Variants in TM4SF19 observed in about 807,000 individuals in gnomAD.
The protein encoded by TM4SF19 is transmembrane 4 L six family member 19, also known as transmembrane 4 L6 family member 19.
A neutral mutation model predicts 21.8 loss-of-function variants in TM4SF19; 17 were observed. The ratio of observed to expected loss-of-function variants is 0.78; its 90% CI spans 0.53 to 1.17. TM4SF19 has a LOEUF of 1.17. Ranked by LOEUF, TM4SF19 falls within the 50% of genes most tolerant of loss-of-function variation. TM4SF19 has a pLI of 0.00. For synonymous variants in TM4SF19, 107 were observed against 106.7 expected (o/e 1.00, Z -0.02); for missense variants, 216 against 252.1 (o/e 0.86, Z 0.97).
At chr3:196,328,015 T>C (rs920157439) in intron 1 of TM4SF19, among the ~76,000 whole-genome samples, 2 of 152,152 alleles carry the variant, frequency 1.3e-5, no homozygotes, top group African/African-American at 4.8e-5. Flanking sequence ...AGAAGTAATA[T>C]TGTCGGCCAG....
chr3:196,324,090 G>A (rs374374555), intron 4 of TM4SF19, 93 bp from the exon 5 acceptor site: 35 of 1,495,362 alleles, frequency 2.3e-5, no homozygotes, highest in South Asian at 1.4e-4. Context: ...TCCCCTGACC[G>A]GGTCATGGGA....
At chr3:196,324,155 A>G in intron 4 of TM4SF19, 116 bp downstream of exon 4, 1 of 1,454,842 alleles carries the variant, frequency 6.9e-7, no homozygotes, top group South Asian at 1.2e-5. Flanking sequence ...TGAGTATCAG[A>G]GGAGCAAGAT....
intron 1 of TM4SF19, among the ~76,000 whole-genome samples, chr3:196,336,542 C>T (rs1727769575): frequency 6.6e-6 from 1 of 152,230 alleles, no homozygotes; most frequent in African/African-American, 2.4e-5. Flanking sequence ...TGGCTGTCCG[C>T]CAATCAAACA....
rs1348452618 is a variant in TM4SF19 at position 196,325,465 on chromosome 3, G to C, written c.280-1025C>G. The C allele has an allele frequency of 1.3e-5, 2 of 152,224 alleles. No homozygotes were observed. Among genetic ancestry groups the C allele is most frequent in the African/African-American group, 4.8e-5 (2 of 41,438 alleles). The allele number at this position is 152,224 out of a possible 1,614,324, so 9.4% of individuals were successfully genotyped here. Reference sequence around the variant, plus strand: ...TCCACCTGCTTCAGCCTCCCAAAGTGCTGGGATTACAGGCATGAGCCACCG... The same window carrying C: ...TCCACCTGCTTCAGCCTCCCAAAGTCCTGGGATTACAGGCATGAGCCACCG... On this transcript the variant is annotated intron_variant, in intron 3 of 4. Coordinates refer to ENST00000273695, the MANE Select transcript of TM4SF19 (RefSeq NM_138461.4). This position sits in a 1 kb window ranked among gnomAD's most constrained non-coding sequence, Gnocchi z 4.3.
chr3:196,337,155 G>A (rs1383943985), intron 1 of TM4SF19, among the ~76,000 whole-genome samples: 2 of 147,774 alleles, frequency 1.4e-5, no homozygotes, highest in Non-Finnish European at 3.0e-5. Context: ...TCCGCCTCTC[G>A]GGTTCAAGTT....
intron 1 of TM4SF19, among the ~76,000 whole-genome samples, chr3:196,332,599 ATATG>A (rs1438391170): frequency 1.3e-5 from 2 of 151,794 alleles, no homozygotes; most frequent in Non-Finnish European, 2.9e-5. Context: ...ATGTGCGTAT[ATATG>A]TGTGTACGTA....
chr3:196,331,202 G>A (rs1398413354), intron 1 of TM4SF19, among the ~76,000 whole-genome samples: 2 of 151,892 alleles, frequency 1.3e-5, no homozygotes, highest in African/African-American at 4.8e-5. Context: ...CTTGAGCCCA[G>A]GAGGCAGAAG....
In TM4SF19 at chr3:196,323,927, C is replaced by A. The variant is rs74793211; in HGVS notation, c.520G>T (p.Val174Leu). 1 of 1,614,068 alleles carries A rather than the reference C, an allele frequency of 6.2e-7. No individual in the cohort carries two copies. Among genetic ancestry groups the A allele is most frequent in the Non-Finnish European group, 8.5e-7 (1 of 1,180,014 alleles). The change falls in exon 5 of 5, where the codon GTG (valine) becomes TTG (leucine). Residue 174 changes from valine (V) to leucine (L), a missense_variant. By Grantham distance (32) the Val-to-Leu change is conservative. Coordinates refer to ENST00000273695, the MANE Select transcript of TM4SF19 (RefSeq NM_138461.4). ...CACAGAAGGGCGGAGAAGAGGGACA[C>A]GTGCCAGACAACAGCTGCAGAGGGC... is the stretch of plus-strand genomic sequence containing the variant. ...LEPSAAVVWH[V>L]SLFSALLCIS...
chr3:196,338,095 A>C (rs974438481), intron 1 of TM4SF19, among the ~76,000 whole-genome samples, 169 bp downstream of exon 1: 2 of 152,204 alleles, frequency 1.3e-5, no homozygotes, highest in East Asian at 3.8e-4. Flanking sequence ...TTCTAGGTGC[A>C]AAGGCCAGAA....
intron 1 of TM4SF19, among the ~76,000 whole-genome samples, chr3:196,331,809 G>T (rs1330412355): frequency 9.9e-5 from 15 of 151,848 alleles, no homozygotes; most frequent in Non-Finnish European, 2.2e-4. Flanking sequence ...AAATGTAATA[G>T]AGGTGAGGTC....
At chr3:196,332,400 CAA>C (rs1156651693) in intron 1 of TM4SF19, among the ~76,000 whole-genome samples, 19 of 101,410 alleles carry the variant, frequency 1.9e-4, no homozygotes, top group Admixed American at 9.0e-4. Context: ...GGTGACAGAG[CAA>C]AAGAGAGAGA....
chr3:196,327,585 C>T lies in TM4SF19; in HGVS notation c.6G>A (p.Val2=). 6.2e-7 allele frequency: 1 copy of T among 1,613,424 alleles called. No individual in the cohort carries two copies. Among genetic ancestry groups the T allele is most frequent in the African/African-American group, 1.3e-5 (1 of 75,050 alleles). The change falls in exon 2 of 5, where the codon GTG becomes GTA. Residue 2 remains valine, a synonymous_variant. Coordinates refer to ENST00000273695, the MANE Select transcript of TM4SF19 (RefSeq NM_138461.4). The part of the protein sequence containing the change: M[V]SSPCTQASSR... Reference sequence around the variant, plus strand: ...AGCTTGCCTGCGTGCAGGGAGAGGACACCATCCTGGAACAGATAGAAAGGG... The same window carrying T: ...AGCTTGCCTGCGTGCAGGGAGAGGATACCATCCTGGAACAGATAGAAAGGG...
Position 196,327,531 on chromosome 3 carries a change from C to A in TM4SF19, c.60G>T (p.Leu20=), listed in dbSNP as rs1471456585. The A allele has an allele frequency of 3.1e-6, 5 of 1,613,964 alleles. No individual in the cohort carries two copies. The highest frequency in any genetic ancestry group is 4.2e-6 in the Non-Finnish European group (5 of 1,180,032). ...CAAACAGGGCTGCAGTCCCAAGGCT[C>A]AGTCCCAGGATACGGGAGCAAGTCC... ...SSRTCSRILG[L]SLGTAALFAA... The change falls in exon 2 of 5, where the codon CTG becomes CTT. Residue 20 remains leucine, a synonymous_variant. Transcript: ENST00000273695.
At chr3:196,337,038 G>T (rs1325730123) in intron 1 of TM4SF19, among the ~76,000 whole-genome samples, 1 of 144,652 alleles carries the variant, frequency 6.9e-6, no homozygotes, top group Non-Finnish European at 1.5e-5. Context: ...CACTGCTGAC[G>T]CAAAAAGCAA....
intron 1 of TM4SF19, among the ~76,000 whole-genome samples, chr3:196,331,704 T>C (rs1337002285): frequency 6.6e-6 from 1 of 151,262 alleles, no homozygotes; most frequent in Non-Finnish European, 1.5e-5. Flanking sequence ...GGAGAATCAC[T>C]TGAACCCGGG....
At chr3:196,326,645 C>A (rs1727303492) in intron 3 of TM4SF19, among the ~76,000 whole-genome samples, 2 of 152,208 alleles carry the variant, frequency 1.3e-5, no homozygotes, top group South Asian at 4.1e-4. Context: ...TAACTCATGT[C>A]CATATTGTCC....
At chr3:196,324,707 C>T in intron 3 of TM4SF19, 1 of 443,712 alleles carries the variant, frequency 2.3e-6, no homozygotes, top group Admixed American at 3.7e-5. Context: ...AATCGCAGGC[C>T]CCGGATCTCC....
At position 196,323,755 on chromosome 3, in the gene TM4SF19, A is replaced by C; in HGVS notation, c.*62T>G. The C allele has an allele frequency of 6.2e-7, 1 of 1,613,824 alleles. No individual in the cohort carries two copies. Among genetic ancestry groups the C allele is most frequent in the Non-Finnish European group, 8.5e-7 (1 of 1,179,904 alleles). Reference sequence around the variant, plus strand: ...TTTATAATTCGTACCCACTCCTTGTAGAAAGGATTCAAGACAGCCGATGAT... The same window carrying C: ...TTTATAATTCGTACCCACTCCTTGTCGAAAGGATTCAAGACAGCCGATGAT... On this transcript the variant is annotated 3_prime_UTR_variant, in exon 5 of 5. Transcript: ENST00000273695.
intron 1 of TM4SF19, among the ~76,000 whole-genome samples, chr3:196,337,638 A>G (rs1392664532): frequency 6.6e-6 from 1 of 152,206 alleles, no homozygotes; most frequent in African/African-American, 2.4e-5. Flanking sequence ...CGACTTCAGT[A>G]AACACACTGC....
Sources: allele counts gnomAD v4.1 joint callset (sites outside exome capture counted in the v4.1 genomes callset), GRCh38; gene constraint gnomAD v4.1.1; non-coding constraint Gnocchi (gnomAD v3.1); transcripts MANE v1.5; gene names NCBI Gene and HGNC (gene_info 2026-07-23, HGNC 2026-07-21).